The following HELLS variants were observed in gnomAD, a reference collection of about 807,000 sequenced individuals.
The protein encoded by HELLS is lymphoid-specific helicase.
In HELLS, 32 loss-of-function variants were observed where a neutral mutation model predicts 120.0. The observed-to-expected ratio is 0.27, with a 90% CI of 0.20 to 0.36. HELLS has a LOEUF of 0.36. HELLS is among the 10% of genes least tolerant of loss of function. The probability of loss-of-function intolerance (pLI) is 1.00; values close to 1 mark genes in which losing one functional copy is unlikely to be tolerated. For missense variants in HELLS, 650 were observed against 993.4 expected (o/e 0.65, Z 4.65); for synonymous variants, 341 against 323.4 (o/e 1.05, Z -0.58).
chr10:94,577,681 C>G (rs1048964413), intron 10 of HELLS: 1 of 152,418 alleles, frequency 6.6e-6, no homozygotes, highest in East Asian at 1.9e-4. Flanking sequence ...AATTCCAGCA[C>G]TTGGGAGTCT....
intron 6 of HELLS, among the ~76,000 whole-genome samples, chr10:94,564,190 C>T (rs1360921450): frequency 6.6e-6 from 1 of 152,088 alleles, no homozygotes; most frequent in Non-Finnish European, 1.5e-5. Context: ...TTGTTAAGTA[C>T]CTAGTGGACT....
At position 94,547,841 on chromosome 10, in the gene HELLS, A is replaced by G. The variant is rs150447720; in HGVS notation, c.153+1343A>G. On this transcript the variant is annotated intron_variant, in intron 2 of 21. Transcript: ENST00000348459. ...CTAGAATGCACATTTTTTAACTACC[A>G]TGCTATAGTTCCACTCCAGTAATAC... is the stretch of plus-strand genomic sequence containing the variant. Among the ~76,000 whole-genome samples, 81 of 152,308 alleles carry G rather than the reference A, an allele frequency of 5.3e-4. No homozygotes were observed. In the East Asian group the frequency reaches 0.013, roughly 24 times the overall value.
In HELLS at chr10:94,596,886, T is replaced by G; in HGVS notation, c.2275T>G (p.Leu759Val). Residue 759 changes from leucine (L) to valine (V), a missense_variant, in exon 20 of 22, where the codon TTA (leucine) becomes GTA (valine). This residue lies in a region of HELLS where 90 missense variants were observed against 109.2 expected (regional missense o/e 0.82). Coordinates refer to ENST00000348459, the MANE Select transcript of HELLS (RefSeq NM_018063.5). ...TCATTTCAAAGGTGGTCAGTCTGGA[T>G]TAAATCTGTCTAAGAATTTCTTAGA... ...KNHFKGGQSG[L>V]NLSKNFLDPK... is the part of the protein sequence containing the mutation. 6.6e-7 allele frequency: 1 copy of G among 1,504,378 alleles called. No homozygotes were observed. 93.2% of individuals were successfully genotyped at this position (1,504,378 alleles called of 1,614,324 possible). A position where few individuals can be genotyped will look rare whatever the true frequency, so the allele number is the denominator to read the frequency against.
chr10:94,592,624 C>A, intron 17 of HELLS, 110 bp downstream of exon 17: 1 of 717,826 alleles, frequency 1.4e-6, no homozygotes, highest in Non-Finnish European at 2.0e-6. Context: ...ATAGAAATGA[C>A]CAGAAACCCT....
chr10:94,601,328 G>C (rs1271867147), intron 21 of HELLS, among the ~76,000 whole-genome samples, 200 bp from the exon 22 acceptor site: 1 of 152,138 alleles, frequency 6.6e-6, no homozygotes. Flanking sequence ...GATTCTAGTT[G>C]TTGTATTAAG....
downstream of HELLS, among the ~76,000 whole-genome samples, chr10:94,603,006 G>A (rs1401313679): frequency 6.6e-6 from 1 of 151,996 alleles, no homozygotes; most frequent in Non-Finnish European, 1.5e-5. Flanking sequence ...GCTCCCTATT[G>A]CCCTGAGAAA....
intron 6 of HELLS, among the ~76,000 whole-genome samples, chr10:94,563,808 CTTT>C (rs10623208): frequency 5.9e-5 from 8 of 136,370 alleles, no homozygotes; most frequent in Non-Finnish European, 7.8e-5. Flanking sequence ...GTTTTCTTTT[CTTT>C]TTTTTTTTTT....
At chr10:94,601,192 T>A (rs1382886412) in intron 21 of HELLS, among the ~76,000 whole-genome samples, 1 of 152,146 alleles carries the variant, frequency 6.6e-6, no homozygotes, top group East Asian at 1.9e-4. Context: ...TTTTAAAACG[T>A]TTCTGACAAC....
In HELLS at chr10:94,555,603, C is replaced by T. The variant is rs180969466; in HGVS notation, c.276+1355C>T. Among the ~76,000 whole-genome samples, 349 of 152,180 alleles carry T rather than the reference C, an allele frequency of 2.3e-3. 1 individual carries two copies. Among genetic ancestry groups the T allele is most frequent in the African/African-American group, 8.1e-3 (335 of 41,516 alleles). ...TCTATACATCTCTTTCTCTGGTGTT[C>T]CTCTGAATATGTTGTAATCTTTCTT... On this transcript the variant is annotated intron_variant, in intron 3 of 21. Transcript: ENST00000348459.
chr10:94,584,322 A>G (rs1259613619), intron 12 of HELLS, among the ~76,000 whole-genome samples: 1 of 152,002 alleles, frequency 6.6e-6, no homozygotes, highest in African/African-American at 2.4e-5. Context: ...ACTTTTTGGG[A>G]TAAACTTTGT....
intron 10 of HELLS, among the ~76,000 whole-genome samples, chr10:94,577,956 G>T (rs996104347): frequency 6.6e-6 from 1 of 151,880 alleles, no homozygotes. Context: ...CCAGCTACTC[G>T]GGAGGCTGAG....
At position 94,574,094 on chromosome 10, in the gene HELLS, G is replaced by C. The variant is rs1055169063; in HGVS notation, c.612G>C (p.Lys204Asn). Residue 204 changes from lysine to asparagine, a missense_variant, in exon 8 of 22, where the codon AAG becomes AAC. Coordinates refer to ENST00000348459, the MANE Select transcript of HELLS (RefSeq NM_018063.5). ...NTKFFFDPVRKCNGQPVPFQQ... is the reference protein window; with the variant it reads ...NTKFFFDPVRNCNGQPVPFQQ... Reference sequence around the variant, plus strand: ...AATTCTTTTTTGACCCAGTCCGGAAGTGTAATGGTCAGCCAGTACCTTTTC... The same window carrying C: ...AATTCTTTTTTGACCCAGTCCGGAACTGTAATGGTCAGCCAGTACCTTTTC... 1.2e-6 allele frequency: 2 copies of C among 1,614,062 alleles called. No homozygotes were observed. The highest frequency in any genetic ancestry group is 1.7e-5 in the Admixed American group (1 of 60,014).
chr10:94,574,209 T>G (rs1844324377), intron 8 of HELLS, 22 bp downstream of exon 8: 2 of 1,449,168 alleles, frequency 1.4e-6, no homozygotes, highest in Non-Finnish European at 1.9e-6. Context: ...GAATTTTTAA[T>G]ACAAGATACT....
chr10:94,575,942 C>T (rs1375545650), intron 9 of HELLS, among the ~76,000 whole-genome samples: 5 of 151,936 alleles, frequency 3.3e-5, no homozygotes, highest in South Asian at 2.1e-4. Context: ...GGATTACGGG[C>T]GTGCGCCACC....
At chr10:94,585,146 A>G (rs1281877860) in intron 12 of HELLS, among the ~76,000 whole-genome samples, 2 of 151,890 alleles carry the variant, frequency 1.3e-5, no homozygotes, top group Non-Finnish European at 2.9e-5. Context: ...TAAGCTTGCT[A>G]CTTTTCTATT....
intron 11 of HELLS, among the ~76,000 whole-genome samples, chr10:94,582,115 T>A (rs1402596213): frequency 2.6e-5 from 4 of 152,204 alleles, no homozygotes; most frequent in Non-Finnish European, 5.9e-5. Flanking sequence ...AACGGAAATA[T>A]AACTTGGGCA....
At chr10:94,582,815 C>T (rs1844941327) in intron 11 of HELLS, 148 bp from the exon 12 acceptor site, 1 of 504,218 alleles carries the variant, frequency 2.0e-6, no homozygotes, top group South Asian at 3.2e-5. Context: ...TGTTCTCTTC[C>T]ATTATAAATT....
At chr10:94,575,871 C>T (rs1844448665) in intron 9 of HELLS, among the ~76,000 whole-genome samples, 2 of 151,666 alleles carry the variant, frequency 1.3e-5, no homozygotes, top group Admixed American at 1.3e-4. Flanking sequence ...GATCTCGGCT[C>T]AGTGCAACCT....
At chr10:94,604,554 T>A (rs1036823445), downstream of HELLS, among the ~76,000 whole-genome samples, 14 of 151,846 alleles carry the variant, frequency 9.2e-5, no homozygotes, top group African/African-American at 3.4e-4. Flanking sequence ...CATTTACTGT[T>A]CCTCATATTT....
Sources: gnomAD v4.1 joint callset for allele counts (sites outside exome capture counted in the v4.1 genomes callset) on GRCh38, gnomAD v4.1.1 for gene constraint, gnomAD v4.1.1 regional missense constraint, MANE v1.5 for transcripts, NCBI Gene and HGNC (gene_info 2026-07-23, HGNC 2026-07-21) for gene names.